Variants in DDO observed in about 807,000 individuals in gnomAD.
DDO encodes the protein D-aspartate oxidase, also known as D-aspartate oxidase, DDO.
In DDO, 16 loss-of-function variants were observed where a neutral mutation model predicts 16.8. The observed-to-expected ratio is 0.95, with a 90% CI of 0.65 to 1.45. The LOEUF is 1.45. DDO is among the 40% of genes most tolerant of loss of function. DDO has a pLI of 0.00. For missense variants in DDO, 429 were observed against 420.3 expected (o/e 1.02, Z -0.18); for synonymous variants, 180 against 167.2 (o/e 1.08, Z -0.59).
rs1773551592 is a variant in DDO at position 110,403,533 on chromosome 6, A to T, written c.458+1241T>A. On this transcript the variant is annotated intron_variant, in intron 4 of 4. Transcript: ENST00000368924. ...AAACTTGGCATATGAACAGTGGTTT[A>T]TGGGCTGGTGAACAAGGCCAGAAAA... Among the ~76,000 whole-genome samples the T allele has an allele frequency of 1.3e-5, 2 of 152,242 alleles. 1 individual carries two copies. The highest frequency in any genetic ancestry group is 4.1e-4 in the South Asian group (2 of 4,826).
chr6:110,408,732 G>A (rs1773746601), intron 2 of DDO, among the ~76,000 whole-genome samples: 1 of 152,346 alleles, frequency 6.6e-6, no homozygotes, highest in Middle Eastern at 3.4e-3. Context: ...TTGGAAGGTG[G>A]TTTTTGGTAC....
intron 3 of DDO, among the ~76,000 whole-genome samples, chr6:110,406,411 T>A (rs1471886411): frequency 6.6e-6 from 1 of 152,104 alleles, no homozygotes; most frequent in Admixed American, 6.6e-5. Context: ...CTCTCCCTAC[T>A]CACCTCTCAT....
chr6:110,408,436 G>A lies in DDO; in HGVS notation c.179C>T (p.Pro60Leu), dbSNP rs751265115. ...GAACCACTGCTTCTGCGTGTGAATG[G>A]GTGTATCTGTAATCATGGAGAAAAG... is the stretch of plus-strand genomic sequence containing the variant. ...MLIPHTYPDTPIHTQKQWFRE... is the reference protein window; with the variant it reads ...MLIPHTYPDTLIHTQKQWFRE... The change falls in exon 3 of 5, where the codon CCC (proline) becomes CTC (leucine). Residue 60 changes from proline to leucine, a missense_variant. Pro to Leu is a moderately conservative substitution (Grantham distance 98). Coordinates refer to ENST00000368924, the MANE Select transcript of DDO (RefSeq NM_001372108.2). 9 of 1,613,894 alleles carry A rather than the reference G, an allele frequency of 5.6e-6. No individual in the cohort carries two copies. Among genetic ancestry groups the A allele is most frequent in the Non-Finnish European group, 6.8e-6 (8 of 1,179,916 alleles).
intron 2 of DDO, among the ~76,000 whole-genome samples, chr6:110,412,169 C>T (rs1488539324): frequency 6.6e-6 from 1 of 151,908 alleles, no homozygotes; most frequent in East Asian, 1.9e-4. Context: ...TCTCTTGAAC[C>T]CCAGAGGTGA....
intron 1 of DDO, 93 bp downstream of exon 1, chr6:110,415,374 C>T: frequency 6.6e-7 from 1 of 1,523,624 alleles, no homozygotes; most frequent in Non-Finnish European, 8.9e-7. Flanking sequence ...AGTGGCCTGT[C>T]CATCACTGTC....
chr6:110,406,218 C>T (rs182182728), intron 3 of DDO, among the ~76,000 whole-genome samples: 13 of 152,180 alleles, frequency 8.5e-5, no homozygotes, highest in African/African-American at 2.4e-4. Flanking sequence ...AAAACAGATC[C>T]GGACCCATGT....
chr6:110,392,630 G>T lies in DDO; in HGVS notation c.*145C>A. On this transcript the variant is annotated 3_prime_UTR_variant, in exon 5 of 5. Transcript: ENST00000368924. ...TAGCTGGGACTATAGGCATGCCACC[G>T]TGCTCAGCTTACATGTTACACCACT... 1.5e-6 allele frequency: 2 copies of T among 1,332,756 alleles called. No individual in the cohort carries two copies. Among genetic ancestry groups the T allele is most frequent in the Non-Finnish European group, 1.9e-6 (2 of 1,045,780 alleles). The allele number at this position is 1,332,756 out of a possible 1,614,324, so 82.6% of individuals were successfully genotyped here. A position where few individuals can be genotyped will look rare whatever the true frequency, so the allele number is the denominator to read the frequency against.
At chr6:110,388,880 C>T, downstream of DDO, 1 of 860,398 alleles carries the variant, frequency 1.2e-6, no homozygotes, top group South Asian at 5.3e-5. Flanking sequence ...TATTCTCAGG[C>T]AGTAGCACCG....
intron 3 of DDO, among the ~76,000 whole-genome samples, chr6:110,406,494 C>T (rs972446271): frequency 6.6e-6 from 1 of 152,140 alleles, no homozygotes; most frequent in African/African-American, 2.4e-5. Flanking sequence ...TCTGTTTCTA[C>T]AGTCCACACC....
intron 4 of DDO, among the ~76,000 whole-genome samples, chr6:110,394,165 C>T (rs1296538089): frequency 6.6e-6 from 1 of 151,842 alleles, no homozygotes; most frequent in Non-Finnish European, 1.5e-5. Context: ...AGTGCAGTGG[C>T]GTGATCTCAG....
intron 4 of DDO, among the ~76,000 whole-genome samples, chr6:110,397,731 G>A (rs1374823394): frequency 6.6e-6 from 1 of 152,210 alleles, no homozygotes; most frequent in Non-Finnish European, 1.5e-5. Flanking sequence ...CCTAGTGGCT[G>A]GGCCTTGTCA....
intron 4 of DDO, among the ~76,000 whole-genome samples, chr6:110,403,247 T>C (rs550331495): frequency 1.6e-4 from 25 of 152,354 alleles, no homozygotes; most frequent in African/African-American, 6.0e-4. Context: ...CCACATGTTT[T>C]AACTTTTTTT....
intron 2 of DDO, among the ~76,000 whole-genome samples, chr6:110,412,286 C>G (rs1773886007): frequency 6.6e-6 from 1 of 151,822 alleles, no homozygotes; most frequent in Non-Finnish European, 1.5e-5. Context: ...ATCTTCAGGT[C>G]TTAATACATA....
downstream of DDO, chr6:110,388,866 A>T: frequency 3.2e-6 from 3 of 942,512 alleles, no homozygotes; most frequent in Non-Finnish European, 2.5e-6. Flanking sequence ...AAAATAAAGC[A>T]GTCTATTCTC....
At chr6:110,407,330 C>T (rs896611899) in intron 3 of DDO, among the ~76,000 whole-genome samples, 2 of 152,160 alleles carry the variant, frequency 1.3e-5, no homozygotes, top group African/African-American at 4.8e-5. Context: ...ACAGAAGAAT[C>T]AATCCATAGA....
At position 110,392,253 on chromosome 6, in the gene DDO, G is replaced by A; in HGVS notation, c.*522C>T. The A allele has an allele frequency of 1.0e-6, 1 of 985,498 alleles. No homozygotes were observed. The highest frequency in any genetic ancestry group is 1.2e-6 in the Non-Finnish European group (1 of 829,970). The allele number at this position is 985,498 out of a possible 1,614,324, so 61.0% of individuals were successfully genotyped here. Reference sequence around the variant, plus strand: ...CTATAACCTAAGAAGATCACAGGCAGCTCTGCAATTGACAGTGATTTAAAT... The same window carrying A: ...CTATAACCTAAGAAGATCACAGGCAACTCTGCAATTGACAGTGATTTAAAT... On this transcript the variant is annotated 3_prime_UTR_variant, in exon 5 of 5. Coordinates refer to ENST00000368924, the MANE Select transcript of DDO (RefSeq NM_001372108.2).
At position 110,394,265 on chromosome 6, in the gene DDO, C is replaced by T. The variant is rs141269748; in HGVS notation, c.459-923G>A. On this transcript the variant is annotated intron_variant, in intron 4 of 4. Transcript: ENST00000368924. ...GACCACAGGTGTGTGCCACCATGCC[C>T]GGCTAATTTTTTTGTATTTTTGATA... Among the ~76,000 whole-genome samples, 192 of 152,150 alleles carry T rather than the reference C, an allele frequency of 1.3e-3. 3 individuals carry two copies. The East Asian group carries it at 0.031, about 25-fold the overall frequency.
downstream of DDO, among the ~76,000 whole-genome samples, chr6:110,390,792 C>T: frequency 6.6e-6 from 1 of 152,146 alleles, no homozygotes; most frequent in East Asian, 1.9e-4. Flanking sequence ...GCTGTTTTAT[C>T]ATAACCTTTT....
In DDO at chr6:110,403,330, C is replaced by T. The variant is rs1425915016; in HGVS notation, c.458+1444G>A. Among the ~76,000 whole-genome samples the T allele has an allele frequency of 3.3e-5, 5 of 152,014 alleles. No homozygotes were observed. In the East Asian group the frequency reaches 9.6e-4, roughly 29 times the overall value. On this transcript the variant is annotated intron_variant, in intron 4 of 4. Coordinates refer to ENST00000368924, the MANE Select transcript of DDO (RefSeq NM_001372108.2). ...TGATGCCTCAATTCCTTATCACTAG[C>T]ATCAATGCTTCTAATTTTGTATTTC...
Sources: gnomAD v4.1 joint callset for allele counts (sites outside exome capture counted in the v4.1 genomes callset) on GRCh38, gnomAD v4.1.1 for gene constraint, MANE v1.5 for transcripts, NCBI Gene and HGNC (gene_info 2026-07-23, HGNC 2026-07-21) for gene names.